ATP10B: variants seen among roughly 807,000 people sequenced by gnomAD.
The protein encoded by ATP10B is phospholipid-transporting ATPase VB.
In ATP10B, 122 loss-of-function variants were observed where a neutral mutation model predicts 141.2. The observed-to-expected ratio is 0.86, with a 90% CI of 0.75 to 1.00. The LOEUF (loss-of-function observed/expected upper bound fraction) is 1.00, where lower values mean the gene tolerates loss of function less well. Among genes scored for constraint, ATP10B ranks in the 50% least tolerant of loss-of-function variants. The pLI, the probability that ATP10B is intolerant of heterozygous loss-of-function variation, is 0.00. For synonymous variants in ATP10B, 685 were observed against 692.0 expected (o/e 0.99, Z 0.16); for missense variants, 1,876 against 1,825.3 (o/e 1.03, Z -0.51).
intron 2 of ATP10B, among the ~76,000 whole-genome samples, chr5:160,766,727 C>T (rs1237607520): frequency 1.3e-5 from 2 of 152,088 alleles, no homozygotes; most frequent in East Asian, 3.9e-4. Context: ...ACCTGTTCCC[C>T]CAAAACGATT....
At chr5:160,868,058 C>T in the ATP10B span, among the ~76,000 whole-genome samples, 5 of 152,068 alleles carry the variant, frequency 3.3e-5, no homozygotes, top group Admixed American at 6.6e-5. Context: ...AGTGTCACAG[C>T]GTCACAAGGC....
chr5:160,885,285 C>A, the ATP10B span, among the ~76,000 whole-genome samples: 1 of 152,198 alleles, frequency 6.6e-6, no homozygotes, highest in African/African-American at 2.4e-5. Context: ...ATGCAAGGAG[C>A]ACACTGTGAT....
At chr5:160,820,960 T>G (rs887985262) in intron 1 of ATP10B, among the ~76,000 whole-genome samples, 6 of 152,018 alleles carry the variant, frequency 3.9e-5, no homozygotes, top group Admixed American at 6.6e-5. Context: ...AAACTGAAAG[T>G]CTTCACTCTA....
chr5:160,571,243 T>C (rs1358230487), intron 24 of ATP10B, among the ~76,000 whole-genome samples: 1 of 152,174 alleles, frequency 6.6e-6, no homozygotes, highest in African/African-American at 2.4e-5. Context: ...ATATTGCTTC[T>C]ATAATTTTCA....
At chr5:160,707,932 C>T (rs976546207) in intron 3 of ATP10B, among the ~76,000 whole-genome samples, 13 of 152,184 alleles carry the variant, frequency 8.5e-5, no homozygotes, top group African/African-American at 9.7e-5. Flanking sequence ...TGATGTCCCC[C>T]GGCTGGAATG....
the ATP10B span, among the ~76,000 whole-genome samples, chr5:160,889,280 G>A: frequency 1.3e-5 from 2 of 152,122 alleles, no homozygotes; most frequent in Non-Finnish European, 2.9e-5. Flanking sequence ...CCTCTACCAG[G>A]GCAGTCTGAA....
intron 1 of ATP10B, among the ~76,000 whole-genome samples, chr5:160,836,188 T>C (rs141978359): frequency 2.7e-4 from 41 of 152,212 alleles, no homozygotes; most frequent in African/African-American, 8.7e-4. Flanking sequence ...TGGGACTTCA[T>C]CACTATGAAA....
At chr5:160,590,685 G>A (rs759512598) in intron 23 of ATP10B, among the ~76,000 whole-genome samples, 1 of 152,192 alleles carries the variant, frequency 6.6e-6, no homozygotes, top group Non-Finnish European at 1.5e-5. Flanking sequence ...TACCTTCAGT[G>A]TTCAAGTAGG....
chr5:160,872,229 A>T, the ATP10B span, among the ~76,000 whole-genome samples: 2 of 152,032 alleles, frequency 1.3e-5, no homozygotes, highest in Non-Finnish European at 2.9e-5. Flanking sequence ...CCATTTTCTG[A>T]TGGGATTATT....
chr5:160,815,770 A>C (rs6895163), intron 1 of ATP10B, among the ~76,000 whole-genome samples: 17,107 of 152,124 alleles, frequency 0.11, 1,141 homozygotes, highest in East Asian at 0.17. Context: ...AAGTAAAGCA[A>C]TCCTCAGCAA....
chr5:160,688,043 C>G lies in ATP10B; in HGVS notation c.32G>C (p.Arg11Pro). 1 of 1,613,450 alleles carries G rather than the reference C, an allele frequency of 6.2e-7. No individual in the cohort carries two copies. Among genetic ancestry groups the G allele is most frequent in the South Asian group, 1.1e-5 (1 of 91,018 alleles). Reference protein sequence around the residue: MALSVDSSWHRWQWRVRDGFP... With the variant: MALSVDSSWHPWQWRVRDGFP... ...GCCATCTCTGACTCTCCACTGCCAC[C>G]GATGCCACGATGAGTCCACTGAGAG... The change falls in exon 5 of 26, where the codon CGG becomes CCG. Residue 11 changes from arginine (R) to proline (P), a missense_variant. Transcript: ENST00000327245.
the ATP10B span, among the ~76,000 whole-genome samples, chr5:160,913,576 C>T: frequency 6.6e-6 from 1 of 152,234 alleles, no homozygotes; most frequent in African/African-American, 2.4e-5. Flanking sequence ...GCCCAAATCT[C>T]CCATCCTAAT....
chr5:160,776,809 G>A (rs1770360530), intron 2 of ATP10B, among the ~76,000 whole-genome samples: 1 of 152,300 alleles, frequency 6.6e-6, no homozygotes. Context: ...GAACTCAGAG[G>A]CTGAGATTTC....
chr5:160,751,505 G>A (rs1382360927), intron 2 of ATP10B, among the ~76,000 whole-genome samples: 1 of 152,010 alleles, frequency 6.6e-6, no homozygotes, highest in African/African-American at 2.4e-5. Context: ...TTCTCTGTTG[G>A]GGGAAAGCAT....
At chr5:160,873,892 G>A in the ATP10B span, among the ~76,000 whole-genome samples, 4 of 152,214 alleles carry the variant, frequency 2.6e-5, no homozygotes, top group African/African-American at 4.8e-5. Flanking sequence ...CTACACCCAC[G>A]GAGTCTCGCT....
chr5:160,830,988 C>CAG (rs1453330611), intron 1 of ATP10B, among the ~76,000 whole-genome samples: 4 of 89,624 alleles, frequency 4.5e-5, no homozygotes, highest in Non-Finnish European at 7.9e-5. Flanking sequence ...CACACACACA[C>CAG]ACACACACAC....
At chr5:160,798,744 A>ATTTTT (rs35866347) in intron 1 of ATP10B, among the ~76,000 whole-genome samples, 2 of 102,498 alleles carry the variant, frequency 2.0e-5, no homozygotes, top group Non-Finnish European at 1.9e-5. Flanking sequence ...CTTTTTCTCT[A>ATTTTT]TTTTTTTTTT....
chr5:160,814,427 T>G (rs1208730974), intron 1 of ATP10B, among the ~76,000 whole-genome samples: 1 of 151,840 alleles, frequency 6.6e-6, no homozygotes, highest in African/African-American at 2.4e-5. Context: ...AGAAGAGAAG[T>G]TTAGAGAAAA....
intron 1 of ATP10B, among the ~76,000 whole-genome samples, chr5:160,786,350 A>G (rs1465988361): frequency 6.6e-6 from 1 of 152,124 alleles, no homozygotes; most frequent in Non-Finnish European, 1.5e-5. Flanking sequence ...TGAACTTTTC[A>G]CTTGTGTGAA....
Sources: allele counts gnomAD v4.1 joint callset (sites outside exome capture counted in the v4.1 genomes callset), GRCh38; gene constraint gnomAD v4.1.1; transcripts MANE v1.5; gene names NCBI Gene and HGNC (gene_info 2026-07-23, HGNC 2026-07-21).